The following COL22A1 variants were observed in gnomAD, a reference collection of about 807,000 sequenced individuals.
COL22A1 encodes collagen alpha-1(XXII) chain.
Under a neutral mutation model 248.9 loss-of-function variants are expected in COL22A1, and 221 were observed. That is an observed-to-expected ratio of 0.89 (90% CI 0.80 to 0.99). COL22A1 has a LOEUF of 0.99. Ranked by LOEUF, COL22A1 falls within the 50% of genes least tolerant of loss-of-function variation. The probability of loss-of-function intolerance (pLI) is 0.00; values close to 1 mark genes in which losing one functional copy is unlikely to be tolerated. For missense variants in COL22A1, 2,240 were observed against 2,179.0 expected (o/e 1.03, Z -0.56); for synonymous variants, 891 against 793.4 (o/e 1.12, Z -2.07).
At chr8:138,787,524 A>G (rs1815639648) in intron 12 of COL22A1, among the ~76,000 whole-genome samples, 1 of 152,192 alleles carries the variant, frequency 6.6e-6, no homozygotes, top group Non-Finnish European at 1.5e-5. Flanking sequence ...AATGCTTCGT[A>G]TACAAAGAAA....
rs571463810 is a variant in COL22A1 at position 138,804,153 on chromosome 8, AT to A, written c.1495-1220del. 7.9e-5 allele frequency among the ~76,000 whole-genome samples: 12 copies of A among 152,110 alleles called. No individual in the cohort carries two copies. The South Asian group carries it at 2.5e-3, about 32-fold the overall frequency. On this transcript the variant is annotated intron_variant, in intron 10 of 64. Transcript: ENST00000303045. ...CAGGCTCTCAGTCAGTCACTTTTAT[AT>A]TCCCACATCACAACTGGGCCTTGCA...
chr8:138,654,664 T>C lies in COL22A1; in HGVS notation c.3333+1233A>G, dbSNP rs1211894754. On this transcript the variant is annotated intron_variant, in intron 45 of 64. Coordinates refer to ENST00000303045, the MANE Select transcript of COL22A1 (RefSeq NM_152888.3). ...CTTGCTGCAGCACCCCTGTTCTTTC[T>C]GAAGTATAGACCTTACCTCTCTCTC... Among the ~76,000 whole-genome samples the C allele has an allele frequency of 5.3e-5, 8 of 152,172 alleles. No individual in the cohort carries two copies. The East Asian group carries it at 1.5e-3, about 29-fold the overall frequency.
intron 2 of COL22A1, among the ~76,000 whole-genome samples, chr8:138,879,433 T>G (rs1265487262): frequency 6.6e-6 from 1 of 152,182 alleles, no homozygotes; most frequent in Non-Finnish European, 1.5e-5. Context: ...GGTTCACGCC[T>G]GTAATTCTAG....
At chr8:138,750,687 C>A (rs554962711) in intron 22 of COL22A1, among the ~76,000 whole-genome samples, 1 of 152,150 alleles carries the variant, frequency 6.6e-6, no homozygotes, top group Non-Finnish European at 1.5e-5. Context: ...GAGCTACCTG[C>A]CCATCTGTGG....
At chr8:138,844,369 G>A (rs982377510) in intron 3 of COL22A1, among the ~76,000 whole-genome samples, 1 of 152,224 alleles carries the variant, frequency 6.6e-6, no homozygotes, top group Non-Finnish European at 1.5e-5. Context: ...CAAATACTGT[G>A]TTCTGTACTG....
chr8:138,670,960 C>CAGA (rs1824970964), intron 41 of COL22A1, among the ~76,000 whole-genome samples: 2 of 55,380 alleles, frequency 3.6e-5, no homozygotes, highest in African/African-American at 6.3e-5. Context: ...GACCTTGTCT[C>CAGA]AAAAAAAAAA....
At chr8:138,761,769 T>A (rs1044784555) in intron 17 of COL22A1, among the ~76,000 whole-genome samples, 1 of 152,214 alleles carries the variant, frequency 6.6e-6, no homozygotes, top group Admixed American at 6.5e-5. Context: ...GAATAGATGA[T>A]GCGTTCACAT....
chr8:138,808,195 A>G (rs142139356), intron 9 of COL22A1, among the ~76,000 whole-genome samples: 3 of 152,324 alleles, frequency 2.0e-5, no homozygotes, highest in Non-Finnish European at 2.9e-5. Context: ...ACACGTTGTC[A>G]AAGACTACAT....
In COL22A1 at chr8:138,619,523, G is replaced by T. The variant is rs1468569147; in HGVS notation, c.3772-15C>A. 1.2e-6 allele frequency: 2 copies of T among 1,613,188 alleles called. No homozygotes were observed. Among genetic ancestry groups the T allele is most frequent in the Admixed American group, 3.3e-5 (2 of 60,014 alleles). ...CCTGCTTTGCCCTGAGAGTAAGGAA[G>T]AAAAGAAGAGTTTGAGGACAACATT... On this transcript the variant is annotated splice_polypyrimidine_tract_variant and intron_variant, in intron 52 of 64. Coordinates refer to ENST00000303045, the MANE Select transcript of COL22A1 (RefSeq NM_152888.3).
intron 16 of COL22A1, among the ~76,000 whole-genome samples, chr8:138,763,428 A>C (rs1470716114): frequency 6.6e-6 from 1 of 151,968 alleles, no homozygotes; most frequent in Non-Finnish European, 1.5e-5. Flanking sequence ...GAGCAAGTCC[A>C]CTGAAAACCT....
chr8:138,814,504 C>T (rs1280593992), intron 7 of COL22A1, among the ~76,000 whole-genome samples: 1 of 152,176 alleles, frequency 6.6e-6, no homozygotes, highest in African/African-American at 2.4e-5. Flanking sequence ...TTGTCAGCTA[C>T]TCAGTGGACA....
intron 61 of COL22A1, among the ~76,000 whole-genome samples, chr8:138,597,549 T>C (rs1817644123): frequency 6.6e-6 from 1 of 152,148 alleles, no homozygotes; most frequent in Admixed American, 6.5e-5. Context: ...GCAAGTGTTG[T>C]CTCCAAGCTC....
chr8:138,782,557 T>C (rs2131538381), intron 12 of COL22A1, among the ~76,000 whole-genome samples: 1 of 152,084 alleles, frequency 6.6e-6, no homozygotes, highest in African/African-American at 2.4e-5. Flanking sequence ...TCCCAGCTAC[T>C]TGGGAGGCTG....
chr8:138,905,080 A>G (rs1225270451), intron 1 of COL22A1, among the ~76,000 whole-genome samples: 4 of 152,252 alleles, frequency 2.6e-5, no homozygotes, highest in Non-Finnish European at 5.9e-5. Flanking sequence ...CAACAGATAG[A>G]TGGATGGATA....
intron 50 of COL22A1, among the ~76,000 whole-genome samples, chr8:138,627,547 G>A (rs935483233): frequency 5.1e-4 from 78 of 152,272 alleles, no homozygotes; most frequent in African/African-American, 1.8e-3. Context: ...CTGACTCGCC[G>A]TTCAGTCTTC....
At chr8:138,886,217 G>C (rs1824653331) in intron 1 of COL22A1, among the ~76,000 whole-genome samples, 1 of 152,126 alleles carries the variant, frequency 6.6e-6, no homozygotes, top group Non-Finnish European at 1.5e-5. Context: ...TGTTCCCATG[G>C]GATCTGGCAG....
intron 3 of COL22A1, among the ~76,000 whole-genome samples, chr8:138,852,825 G>C (rs532296489): frequency 1.3e-5 from 2 of 152,056 alleles, no homozygotes; most frequent in African/African-American, 2.4e-5. Context: ...GCAGTCCAAG[G>C]CACCAATTCT....
intron 6 of COL22A1, among the ~76,000 whole-genome samples, chr8:138,822,434 C>T (rs1819223052): frequency 6.6e-6 from 1 of 152,214 alleles, no homozygotes; most frequent in African/African-American, 2.4e-5. Flanking sequence ...CACCAAACAT[C>T]CTGTGTGCCC....
Position 138,844,107 on chromosome 8 carries a change from T to C in COL22A1, c.710A>G (p.Asn237Ser), listed in dbSNP as rs138930361. Residue 237 changes from asparagine (N) to serine (S), a missense_variant, in exon 4 of 65, where the codon AAT becomes AGT. Coordinates refer to ENST00000303045, the MANE Select transcript of COL22A1 (RefSeq NM_152888.3). ...RVEGDRFKHT[N>S]GGTKEITGFD... ...ACCTGTGATTTCCTTGGTTCCTCCA[T>C]TGGTGTGCTTAAAGCGATCTCCTTC... is the stretch of plus-strand genomic sequence containing the variant. 34 of 1,614,160 alleles carry C rather than the reference T, an allele frequency of 2.1e-5. No homozygotes were observed. The highest frequency in any genetic ancestry group is 1.9e-4 in the African/African-American group (14 of 75,046).
Sources: gnomAD v4.1 joint callset for allele counts (sites outside exome capture counted in the v4.1 genomes callset) on GRCh38, gnomAD v4.1.1 for gene constraint, MANE v1.5 for transcripts, NCBI Gene and HGNC (gene_info 2026-07-23, HGNC 2026-07-21) for gene names.